Variants in COL10A1 observed in about 807,000 individuals in gnomAD.
COL10A1 encodes collagen alpha-1(X) chain.
Under a neutral mutation model 18.2 loss-of-function variants are expected in COL10A1, and 10 were observed. That is an observed-to-expected ratio of 0.55 (90% CI 0.34 to 0.93). COL10A1 has a LOEUF of 0.93. COL10A1 is among the 40% of genes least tolerant of loss of function. The pLI, the probability that COL10A1 is intolerant of heterozygous loss-of-function variation, is 0.02. For synonymous variants in COL10A1, 330 were observed against 316.6 expected (o/e 1.04, Z -0.45); for missense variants, 897 against 853.5 (o/e 1.05, Z -0.64).
Position 116,119,772 on chromosome 6 carries a change from TTTGTTTTTTG to T in COL10A1, c.*291_*300del, listed in dbSNP as rs1779051729. The T allele has an allele frequency of 4.0e-6, 1 of 250,602 alleles. No homozygotes were observed. Among genetic ancestry groups the T allele is most frequent in the South Asian group, 1.3e-4 (1 of 7,834 alleles). The allele number at this position is 250,602 out of a possible 1,614,324, so 15.5% of individuals were successfully genotyped here. On this transcript the variant is annotated 3_prime_UTR_variant, in exon 3 of 3. Coordinates refer to ENST00000651968, the MANE Select transcript of COL10A1 (RefSeq NM_000493.4). ...TTTTTTTTTAATTTTTTTTTTGTTG[TTTGTTTTTTG>T]TTGTTTGTTTTTAACATAGCAGGAC...
chr6:116,129,421 C>CT (rs1366764108), upstream of COL10A1, among the ~76,000 whole-genome samples: 8 of 152,160 alleles, frequency 5.3e-5, no homozygotes, highest in African/African-American at 1.9e-4. Context: ...CAAGTGGGAT[C>CT]TTTAAGAGGT....
chr6:116,185,437 C>G, the COL10A1 span, among the ~76,000 whole-genome samples: 849 of 152,112 alleles, frequency 5.6e-3, 17 homozygotes, highest in South Asian at 0.046. Flanking sequence ...GTCTTGATGG[C>G]CTGTCTAATG....
At chr6:116,183,833 A>G in the COL10A1 span, among the ~76,000 whole-genome samples, 1 of 152,056 alleles carries the variant, frequency 6.6e-6, no homozygotes, top group African/African-American at 2.4e-5. Flanking sequence ...GTATATGATC[A>G]TGTCATCAGC....
the COL10A1 span, among the ~76,000 whole-genome samples, chr6:116,173,544 C>T: frequency 6.6e-6 from 1 of 152,090 alleles, no homozygotes; most frequent in East Asian, 1.9e-4. Flanking sequence ...GCAACAGCAA[C>T]ACTAAAGCTG....
the COL10A1 span, among the ~76,000 whole-genome samples, chr6:116,174,138 A>G: frequency 6.6e-6 from 1 of 152,172 alleles, no homozygotes; most frequent in East Asian, 1.9e-4. Context: ...TGTCAACATG[A>G]CATCACTGCT....
At chr6:116,178,084 T>C in the COL10A1 span, among the ~76,000 whole-genome samples, 5 of 91,918 alleles carry the variant, frequency 5.4e-5, no homozygotes, top group African/African-American at 2.7e-4. Context: ...TGTGTGTGTG[T>C]GTGTGCGCGC....
chr6:116,125,032 A>T (rs954300760), intron 2 of COL10A1, among the ~76,000 whole-genome samples: 1 of 152,226 alleles, frequency 6.6e-6, no homozygotes, highest in Non-Finnish European at 1.5e-5. Context: ...TGATTAGATC[A>T]AGATTTCTGG....
At chr6:116,166,901 A>G in the COL10A1 span, among the ~76,000 whole-genome samples, 1 of 152,214 alleles carries the variant, frequency 6.6e-6, no homozygotes, top group Non-Finnish European at 1.5e-5. Flanking sequence ...TTTGTTATTC[A>G]GAATTGAGCC....
chr6:116,192,827 G>C, the COL10A1 span, among the ~76,000 whole-genome samples: 1 of 151,870 alleles, frequency 6.6e-6, no homozygotes, highest in African/African-American at 2.4e-5. Context: ...TGCTTCTTTG[G>C]CCTCCTACTA....
At chr6:116,142,346 A>G (rs190664829) in intron 1 of COL10A1, among the ~76,000 whole-genome samples, 1 of 152,200 alleles carries the variant, frequency 6.6e-6, no homozygotes, top group Admixed American at 6.5e-5. Context: ...CAAGTTGTAA[A>G]AAAAAATTAA....
the COL10A1 span, among the ~76,000 whole-genome samples, chr6:116,172,354 C>T: frequency 3.7e-5 from 5 of 134,990 alleles, no homozygotes. Context: ...TAGAGTCTCG[C>T]TCTGTTGCCC....
upstream of COL10A1, among the ~76,000 whole-genome samples, chr6:116,163,158 A>ATATC: frequency 6.9e-6 from 1 of 144,184 alleles, no homozygotes; most frequent in East Asian, 2.0e-4. Flanking sequence ...ATATATATAT[A>ATATC]TATATTAGTA....
chr6:116,138,176 T>A (rs530258935), intron 1 of COL10A1, among the ~76,000 whole-genome samples: 1 of 152,336 alleles, frequency 6.6e-6, no homozygotes, highest in South Asian at 2.1e-4. Flanking sequence ...TATTATTTCA[T>A]TTACTTGTCA....
At chr6:116,123,401 AG>A (rs1194156991) in intron 2 of COL10A1, among the ~76,000 whole-genome samples, 2 of 152,200 alleles carry the variant, frequency 1.3e-5, no homozygotes, top group Non-Finnish European at 2.9e-5. Flanking sequence ...TCTTCATTCA[AG>A]ATTAGGGTGG....
the COL10A1 span, among the ~76,000 whole-genome samples, chr6:116,190,283 T>C: frequency 6.6e-6 from 1 of 152,048 alleles, no homozygotes; most frequent in Non-Finnish European, 1.5e-5. Context: ...CTTTTATCAA[T>C]ATATGAAATA....
chr6:116,188,889 G>T, the COL10A1 span, among the ~76,000 whole-genome samples: 4 of 151,822 alleles, frequency 2.6e-5, no homozygotes, highest in East Asian at 7.8e-4. Flanking sequence ...TTTTAATTTG[G>T]ATCTGTTTAT....
chr6:116,204,718 A>G, the COL10A1 span, among the ~76,000 whole-genome samples: 5 of 152,124 alleles, frequency 3.3e-5, no homozygotes, highest in African/African-American at 1.2e-4. Flanking sequence ...TGTTGTATTC[A>G]TATGCTGGAT....
upstream of COL10A1, among the ~76,000 whole-genome samples, chr6:116,127,675 G>T (rs1160504038): frequency 2.0e-5 from 3 of 151,982 alleles, no homozygotes; most frequent in East Asian, 5.8e-4. Flanking sequence ...TTGAATGCTA[G>T]GTTGAATTTG....
the COL10A1 span, among the ~76,000 whole-genome samples, chr6:116,201,463 A>G: frequency 6.6e-6 from 1 of 152,030 alleles, no homozygotes; most frequent in Non-Finnish European, 1.5e-5. Context: ...AGAAGAATTG[A>G]CCAATCAAAT....
Sources: allele counts gnomAD v4.1 joint callset (sites outside exome capture counted in the v4.1 genomes callset), GRCh38; gene constraint gnomAD v4.1.1; transcripts MANE v1.5; gene names NCBI Gene and HGNC (gene_info 2026-07-23, HGNC 2026-07-21).